The following FUS variants were observed in gnomAD, a reference collection of about 807,000 sequenced individuals.
FUS encodes RNA-binding protein FUS.
FUS carries 5 observed loss-of-function variants against 82.7 expected under a neutral mutation model. The ratio of observed to expected loss-of-function variants is 0.06; its 90% confidence interval spans 0.03 to 0.13. The LOEUF is 0.13. FUS is among the 10% of genes least tolerant of loss of function. The probability of loss-of-function intolerance (pLI) is 1.00; values close to 1 mark genes in which losing one functional copy is unlikely to be tolerated. For missense variants in FUS, 512 were observed against 707.8 expected, an observed-to-expected ratio of 0.72 and a Z score of 3.14; for synonymous variants, 281 against 247.4, an observed-to-expected ratio of 1.14 and a Z score of -1.27.
intron 9 of FUS, 119 bp downstream of exon 9, chr16:31,189,345 G>A (rs1225076301): frequency 1.1e-6 from 1 of 878,334 alleles, no homozygotes; most frequent in African/African-American, 1.7e-5. Flanking sequence ...AGTGGTTGTT[G>A]CCAGCTTAAT....
In FUS at chr16:31,190,324, C is replaced by A. The variant is rs770828154; in HGVS notation, c.1218C>A (p.Gly406=). The A allele has an allele frequency of 6.2e-7, 1 of 1,613,916 alleles. No individual in the cohort carries two copies. The highest frequency in any genetic ancestry group is 8.5e-7 in the Non-Finnish European group (1 of 1,179,948). The part of the protein sequence containing the change: ...GYGGGGSGGG[G]RGGFPSGGGG... ...GAGGTGGTGGCAGTGGTGGTGGTGG[C>A]CGAGGAGGATTTCCCAGTGGAGGTG... is the stretch of plus-strand genomic sequence containing the variant. The change falls in exon 12 of 15, where the codon GGC becomes GGA. Residue 406 remains glycine (G), a synonymous_variant. Coordinates refer to ENST00000254108, the MANE Select transcript of FUS (RefSeq NM_004960.4).
At position 31,189,626 on chromosome 16, in the gene FUS, G is replaced by A. The variant is rs778470554; in HGVS notation, c.937-39G>A. 16 of 1,613,708 alleles carry A rather than the reference G, an allele frequency of 9.9e-6. 1 individual carries two copies. In the Admixed American group the frequency reaches 1.0e-4, roughly 10 times the overall value. ...AAGAAGATGGAAAGGGAGTACTGTAGCCTTTAAAATTGATGTTACCTCATT... is the reference window on the plus strand; with the variant it reads ...AAGAAGATGGAAAGGGAGTACTGTAACCTTTAAAATTGATGTTACCTCATT... On this transcript the variant is annotated intron_variant, in intron 9 of 14. Transcript: ENST00000254108.
Position 31,190,959 on chromosome 16 carries a change from C to G in FUS, c.1394-4C>G, listed in dbSNP as rs1259256870. The G allele has an allele frequency of 6.2e-7, 1 of 1,611,842 alleles. No homozygotes were observed. The highest frequency in any genetic ancestry group is 1.3e-5 in the African/African-American group (1 of 74,770). On this transcript the variant is annotated splice_region_variant and splice_polypyrimidine_tract_variant and intron_variant, in intron 13 of 14. Transcript: ENST00000254108. ...TATGATAGATCTTGTTTCTTTTGTC[C>G]TAGGGGGTAACTACGGGGATGATCG...
intron 6 of FUS, chr16:31,185,619 G>C (rs1788740193): frequency 2.0e-6 from 1 of 498,458 alleles, no homozygotes; most frequent in Admixed American, 2.4e-5. Flanking sequence ...TCAGCTTCCA[G>C]GAATTGGCTA....
chr16:31,188,448 GAA>G, intron 8 of FUS, 91 bp downstream of exon 8: 1 of 1,360,636 alleles, frequency 7.3e-7, no homozygotes, highest in Non-Finnish European at 1.0e-6. Context: ...AAAGGAAACT[GAA>G]AAAAATGGGG....
chr16:31,189,358 G>A, intron 9 of FUS, 132 bp downstream of exon 9: 1 of 839,288 alleles, frequency 1.2e-6, no homozygotes. Context: ...AGCTTAATTT[G>A]TTGAGGAAAG....
chr16:31,190,422 T>A (rs2144136952), intron 12 of FUS, 24 bp downstream of exon 12: 1 of 1,614,060 alleles, frequency 6.2e-7, no homozygotes, highest in African/African-American at 1.3e-5. Context: ...AATTTTTTTC[T>A]TAGTTCTCTT....
intron 3 of FUS, chr16:31,183,004 C>T: frequency 2.7e-6 from 1 of 365,528 alleles, no homozygotes; most frequent in Non-Finnish European, 5.3e-6. Flanking sequence ...CCACAATGCC[C>T]TGAATGTTGC....
chr16:31,182,573 C>T lies in FUS; in HGVS notation c.99C>T (p.Tyr33=), dbSNP rs371503663. Residue 33 remains tyrosine (Y), a synonymous_variant, in exon 3 of 15, where the codon TAC becomes TAT. Coordinates refer to ENST00000254108, the MANE Select transcript of FUS (RefSeq NM_004960.4). ...QGYSQQSSQP[Y]GQQSYSGYSQ... ...ATTCCCAGCAGAGCAGTCAGCCCTA[C>T]GGACAGCAGAGTTACAGTGGTTATA... 10 of 1,614,068 alleles carry T rather than the reference C, an allele frequency of 6.2e-6. No homozygotes were observed. Among genetic ancestry groups the T allele is most frequent in the South Asian group, 5.5e-5 (5 of 91,084 alleles).
At chr16:31,192,668 C>T (rs886051945), downstream of FUS, 1 of 482,156 alleles carries the variant, frequency 2.1e-6, no homozygotes, top group Admixed American at 2.3e-5. Flanking sequence ...TTAAGCGATT[C>T]TCCTGCCTCA....
chr16:31,190,358 G>A lies in FUS; in HGVS notation c.1252G>A (p.Gly418Arg), dbSNP rs1177122577. The A allele has an allele frequency of 6.2e-7, 1 of 1,614,214 alleles. No homozygotes were observed. The highest frequency in any genetic ancestry group is 8.5e-7 in the Non-Finnish European group (1 of 1,180,046). Reference sequence around the variant, plus strand: ...ATTTCCCAGTGGAGGTGGTGGCGGTGGAGGACAGCAGCGAGCTGGTGACTG... The same window carrying A: ...ATTTCCCAGTGGAGGTGGTGGCGGTAGAGGACAGCAGCGAGCTGGTGACTG... ...GGFPSGGGGGGGQQRAGDWKC... is the reference protein window; with the variant it reads ...GGFPSGGGGGRGQQRAGDWKC... The change falls in exon 12 of 15, where the codon GGA becomes AGA. Residue 418 changes from glycine to arginine, a missense_variant. Physicochemically the swap from Gly to Arg is moderately radical, Grantham distance 125. This residue lies in a region of FUS where 63 missense variants were observed against 83.0 expected (regional missense o/e 0.76). Coordinates refer to ENST00000254108, the MANE Select transcript of FUS (RefSeq NM_004960.4).
At chr16:31,180,912 T>A (rs1260049816) in intron 1 of FUS, among the ~76,000 whole-genome samples, 5 of 140,914 alleles carry the variant, frequency 3.5e-5, no homozygotes, top group Non-Finnish European at 7.9e-5. Context: ...CCGCCTAAAT[T>A]TCTTTCTTTT....
intron 14 of FUS, 97 bp from the exon 15 acceptor site, chr16:31,191,302 G>A (rs72550884): frequency 3.9e-6 from 6 of 1,529,882 alleles, no homozygotes; most frequent in South Asian, 2.2e-5. Flanking sequence ...TAAGATACTC[G>A]CTGGGTTAGG....
intron 1 of FUS, among the ~76,000 whole-genome samples, chr16:31,181,272 C>T (rs1453599721): frequency 5.3e-5 from 8 of 152,254 alleles, no homozygotes. Flanking sequence ...AGGCCACACC[C>T]TCTCCTGGTC....
downstream of FUS, chr16:31,192,788 C>T (rs895546122): frequency 4.2e-6 from 2 of 480,320 alleles, no homozygotes; most frequent in Non-Finnish European, 8.3e-6. Flanking sequence ...CCAGGCTGGT[C>T]TCTTAACTCC....
chr16:31,189,352 T>A, intron 9 of FUS, 126 bp downstream of exon 9: 1 of 858,628 alleles, frequency 1.2e-6, no homozygotes, highest in Non-Finnish European at 2.0e-6. Flanking sequence ...GTTGCCAGCT[T>A]AATTTGTTGA....
chr16:31,194,414 G>A, downstream of FUS: 3 of 510,554 alleles, frequency 5.9e-6, no homozygotes, highest in South Asian at 4.6e-5. Flanking sequence ...TCAGCCTCTG[G>A]AGTAGCTGGG....
chr16:31,182,716 T>C (rs1256397141), intron 3 of FUS, 52 bp downstream of exon 3: 1 of 1,611,706 alleles, frequency 6.2e-7, no homozygotes, highest in Non-Finnish European at 8.5e-7. Context: ...AATATTGCTT[T>C]TCTTTTTCTT....
intron 10 of FUS, 98 bp downstream of exon 10, chr16:31,189,892 CACTT>C (rs1320450114): frequency 8.1e-6 from 13 of 1,601,494 alleles, no homozygotes; most frequent in Middle Eastern, 1.7e-4. Flanking sequence ...AGTCTTCCAA[CACTT>C]ACTTTAGCTG....
Sources: allele counts gnomAD v4.1 joint callset (sites outside exome capture counted in the v4.1 genomes callset), GRCh38; gene constraint gnomAD v4.1.1; regional missense constraint gnomAD v4.1.1; transcripts MANE v1.5; gene names NCBI Gene and HGNC (gene_info 2026-07-23, HGNC 2026-07-21).